Variants in PATL2 observed in about 807,000 individuals in gnomAD.
PATL2 encodes the protein protein PAT1 homolog 2.
Under a neutral mutation model 77.0 loss-of-function variants are expected in PATL2, and 73 were observed. The observed-to-expected ratio is 0.95, with a 90% confidence interval of 0.78 to 1.15. The LOEUF is 1.15. Ranked by LOEUF, PATL2 falls within the 50% of genes most tolerant of loss-of-function variation. PATL2 has a pLI of 0.00. For synonymous variants in PATL2, 265 were observed against 257.1 expected, an observed-to-expected ratio of 1.03 and a Z score of -0.29; for missense variants, 618 against 655.4, an observed-to-expected ratio of 0.94 and a Z score of 0.62.
intron 3 of PATL2, among the ~76,000 whole-genome samples, chr15:44,701,257 T>A (rs2086623228): frequency 7.0e-6 from 1 of 143,258 alleles, no homozygotes; most frequent in African/African-American, 2.5e-5. Context: ...TTGCCTGTAG[T>A]TTTTTTTTTT....
chr15:44,671,931 C>T (rs2085701387), intron 9 of PATL2, 84 bp downstream of exon 9: 2 of 1,485,400 alleles, frequency 1.3e-6, no homozygotes, highest in African/African-American at 1.4e-5. Flanking sequence ...CCTCTATGAG[C>T]CGAAGAGAGG....
chr15:44,700,214 T>A (rs1440108022), intron 3 of PATL2, among the ~76,000 whole-genome samples: 2 of 152,200 alleles, frequency 1.3e-5, no homozygotes, highest in Admixed American at 1.3e-4. Context: ...ATCTTTTACT[T>A]CTTGGTTAAG....
At chr15:44,682,586 G>A (rs2086158159) in intron 3 of PATL2, among the ~76,000 whole-genome samples, 1 of 152,200 alleles carries the variant, frequency 6.6e-6, no homozygotes, top group South Asian at 2.1e-4. Context: ...AGCCACCTGG[G>A]TGTGTCCTAC....
Position 44,710,173 on chromosome 15 carries a change from C to T in PATL2, c.-153G>A, listed in dbSNP as rs74773063. Among the ~76,000 whole-genome samples, 378 of 152,302 alleles carry T rather than the reference C, an allele frequency of 2.5e-3. 2 individuals are homozygous for T. The highest frequency in any genetic ancestry group is 8.6e-3 in the African/African-American group (356 of 41,560). ...AGGTCCATGGAGAGTATTGCATTTT[C>T]TTAGTTTAGGCATGGCCTCCACAAT... On this transcript the variant is annotated 5_prime_UTR_variant, in exon 3 of 18. Transcript: ENST00000682850.
intron 3 of PATL2, among the ~76,000 whole-genome samples, chr15:44,699,803 T>A (rs1425870030): frequency 6.6e-6 from 1 of 152,210 alleles, no homozygotes; most frequent in Non-Finnish European, 1.5e-5. Context: ...GAAAATAAGT[T>A]TACTGTAGAT....
chr15:44,676,658 G>A (rs1297525041), intron 3 of PATL2, 93 bp from the exon 4 acceptor site: 18 of 1,301,846 alleles, frequency 1.4e-5, no homozygotes, highest in Non-Finnish European at 1.9e-5. Flanking sequence ...CAGCAAGATG[G>A]TTAGAGAATT....
intron 3 of PATL2, among the ~76,000 whole-genome samples, chr15:44,691,213 CAG>C: frequency 6.6e-6 from 1 of 152,128 alleles, no homozygotes; most frequent in East Asian, 1.9e-4. Context: ...CACATATAGA[CAG>C]AGAAAAGTTG....
At chr15:44,683,240 A>C (rs2086173637) in intron 3 of PATL2, among the ~76,000 whole-genome samples, 1 of 152,010 alleles carries the variant, frequency 6.6e-6, no homozygotes, top group South Asian at 2.1e-4. Context: ...GCGAGACAGA[A>C]CCATTCACTC....
chr15:44,681,293 ACAGATGTGAGC>A (rs2086129441), intron 3 of PATL2, among the ~76,000 whole-genome samples: 1 of 152,204 alleles, frequency 6.6e-6, no homozygotes, highest in Non-Finnish European at 1.5e-5. Flanking sequence ...TGCTGGGATT[ACAGATGTGAGC>A]CACTTCTCTC....
Position 44,672,060 on chromosome 15 carries a change from C to T in PATL2, c.612G>A (p.Val204=), listed in dbSNP as rs2085711049. 5 of 1,551,596 alleles carry T rather than the reference C, an allele frequency of 3.2e-6. No individual in the cohort carries two copies. Among genetic ancestry groups the T allele is most frequent in the Non-Finnish European group, 4.4e-6 (5 of 1,147,000 alleles). The change falls in exon 9 of 18, where the codon GTG becomes GTA. Residue 204 remains valine, a synonymous_variant. Transcript: ENST00000682850. ...EKDWVIKVQM[V]QLQSAKPRLD... is the part of the protein sequence containing the mutation. ...GGCGGGGTTTTGCACTCTGCAGCTG[C>T]ACCATCTGCACTTTTATCACCCAGT...
At chr15:44,668,199 AG>A in intron 15 of PATL2, 142 bp downstream of exon 15, 5 of 1,102,782 alleles carry the variant, frequency 4.5e-6, no homozygotes, top group African/African-American at 1.6e-5. Flanking sequence ...ATAAGCTTCC[AG>A]GTGATCATGT....
intron 3 of PATL2, among the ~76,000 whole-genome samples, chr15:44,702,031 T>C (rs1340748000): frequency 6.6e-6 from 1 of 152,082 alleles, no homozygotes; most frequent in Non-Finnish European, 1.5e-5. Context: ...CCACCTCCAA[T>C]ACTAGGGATT....
At chr15:44,697,449 G>GT (rs1308036699) in intron 3 of PATL2, 1 of 152,102 alleles carries the variant, frequency 6.6e-6, no homozygotes, top group Non-Finnish European at 1.5e-5. Context: ...CTTCTTTATA[G>GT]TTTTTAGTAT....
At chr15:44,666,576 T>G in intron 16 of PATL2, 35 bp from the exon 17 acceptor site, 1 of 1,476,398 alleles carries the variant, frequency 6.8e-7, no homozygotes, top group Non-Finnish European at 9.0e-7. Context: ...AGCAAATAGA[T>G]TTGCTTAAGA....
intron 9 of PATL2, 79 bp downstream of exon 9, chr15:44,671,936 G>T (rs2141189766): frequency 6.7e-7 from 1 of 1,496,622 alleles, no homozygotes; most frequent in Non-Finnish European, 9.0e-7. Flanking sequence ...ATGAGCCGAA[G>T]AGAGGATCAG....
intron 3 of PATL2, chr15:44,676,902 C>T: frequency 1.9e-6 from 2 of 1,048,784 alleles, no homozygotes; most frequent in Non-Finnish European, 2.3e-6. Context: ...TTAAGTTATT[C>T]ATAGCAGCCT....
chr15:44,676,389 G>T, intron 4 of PATL2, 86 bp downstream of exon 4: 1 of 1,185,236 alleles, frequency 8.4e-7, no homozygotes, highest in Non-Finnish European at 1.2e-6. Context: ...CAGTGACTCT[G>T]GACATCCAAT....
At chr15:44,678,788 AT>A (rs1566859777) in intron 3 of PATL2, among the ~76,000 whole-genome samples, 1 of 151,958 alleles carries the variant, frequency 6.6e-6, no homozygotes, top group African/African-American at 2.4e-5. Flanking sequence ...TCTATTAAAA[AT>A]TTTTTCTTAA....
rs995543706 is a variant in PATL2, at chr15:44,676,674, C to T, written c.-75-109G>A. On this transcript the variant is annotated intron_variant, in intron 3 of 17. Coordinates refer to ENST00000682850, the MANE Select transcript of PATL2 (RefSeq NM_001387263.1). ...AGCAAGATGGTTAGAGAATTCTTGGCCATGGTCTTGAGGAGAGAGACCCTG... is the reference window on the plus strand; with the variant it reads ...AGCAAGATGGTTAGAGAATTCTTGGTCATGGTCTTGAGGAGAGAGACCCTG... The T allele has an allele frequency of 2.7e-5, 34 of 1,263,122 alleles. No individual in the cohort carries two copies. In the East Asian group the frequency reaches 8.3e-4, roughly 31 times the overall value. 78.2% of individuals were successfully genotyped at this position (1,263,122 alleles called of 1,614,324 possible).
Sources: gnomAD v4.1 joint callset for allele counts (sites outside exome capture counted in the v4.1 genomes callset) on GRCh38, gnomAD v4.1.1 for gene constraint, MANE v1.5 for transcripts, NCBI Gene and HGNC (gene_info 2026-07-23, HGNC 2026-07-21) for gene names.